Variants in AFF4 observed in about 807,000 individuals in gnomAD.
AFF4 encodes AF4/FMR2 family member 4.
In AFF4, 13 loss-of-function variants were observed where a neutral mutation model predicts 124.8. The observed-to-expected ratio is 0.10, with a 90% confidence interval of 0.07 to 0.17. The LOEUF (loss-of-function observed/expected upper bound fraction) is 0.17, where lower values mean the gene tolerates loss of function less well. AFF4 is among the 10% of genes least tolerant of loss of function. AFF4 has a pLI of 1.00. For synonymous variants in AFF4, 477 were observed against 496.1 expected, an observed-to-expected ratio of 0.96 and a Z score of 0.51; for missense variants, 1,092 against 1,403.8, an observed-to-expected ratio of 0.78 and a Z score of 3.55.
chr5:132,895,671 A>G (rs1342732065), intron 11 of AFF4, among the ~76,000 whole-genome samples: 1 of 152,236 alleles, frequency 6.6e-6, no homozygotes, highest in African/African-American at 2.4e-5. Flanking sequence ...GTCTCTATAT[A>G]TGTAGTGATT....
intron 1 of AFF4, among the ~76,000 whole-genome samples, chr5:132,959,323 T>C (rs1246695814): frequency 6.6e-6 from 1 of 152,096 alleles, no homozygotes; most frequent in Non-Finnish European, 1.5e-5. Context: ...GGTTTCACCA[T>C]ATTGTCCAGG....
chr5:132,889,882 A>G (rs1416467724), intron 13 of AFF4, among the ~76,000 whole-genome samples: 1 of 151,846 alleles, frequency 6.6e-6, no homozygotes, highest in African/African-American at 2.4e-5. Flanking sequence ...TGATCCTCCC[A>G]CCCCAGCCTC....
chr5:132,902,881 T>C (rs73788222), intron 6 of AFF4, among the ~76,000 whole-genome samples: 2,245 of 152,224 alleles, frequency 0.015, 67 homozygotes, highest in African/African-American at 0.052. Context: ...TGGCAAAAAC[T>C]GGAAAAAAAT....
At chr5:132,931,017 G>C (rs1028681770) in intron 4 of AFF4, among the ~76,000 whole-genome samples, 1 of 147,424 alleles carries the variant, frequency 6.8e-6, no homozygotes, top group African/African-American at 2.5e-5. Flanking sequence ...TGAGGCAGAA[G>C]AATCACTTGA....
Position 132,881,067 on chromosome 5 carries a change from T to A in AFF4, c.3484A>T (p.Ile1162Leu), listed in dbSNP as rs1443941113. 3 of 1,613,238 alleles carry A rather than the reference T, an allele frequency of 1.9e-6. No individual in the cohort carries two copies. The African/African-American group carries it at 4.0e-5, about 22-fold the overall frequency. ...LHWLRQDAKL[I>L]S Reference sequence around the variant, plus strand: ...ACGAGAATGTGTTCAGTTCAAGATATCAACTTGGCATCCTGGCGAAGCCAG... The same window carrying A: ...ACGAGAATGTGTTCAGTTCAAGATAACAACTTGGCATCCTGGCGAAGCCAG... Residue 1162 changes from isoleucine (I) to leucine (L), a missense_variant, in exon 21 of 21, where the codon ATA becomes TTA. Ile to Leu is a conservative substitution (Grantham distance 5). Around this residue, in one of 11 missense-constraint regions of AFF4, gnomAD observed 173 missense variants for 294.9 expected, o/e 0.59. Coordinates refer to ENST00000265343, the MANE Select transcript of AFF4 (RefSeq NM_014423.4).
At chr5:132,960,120 C>A (rs1292688891) in intron 1 of AFF4, among the ~76,000 whole-genome samples, 2 of 152,246 alleles carry the variant, frequency 1.3e-5, no homozygotes, top group East Asian at 3.9e-4. Context: ...TAGCTTTAGG[C>A]AGTCTTTAGT....
intron 13 of AFF4, 180 bp downstream of exon 13, chr5:132,891,984 C>T (rs1760269939): frequency 8.4e-6 from 8 of 951,508 alleles, no homozygotes; most frequent in East Asian, 2.6e-5. Context: ...GCTGACTTAC[C>T]ACCTTCACAG....
chr5:132,962,863 G>A lies in AFF4; in HGVS notation c.-5+396C>T, dbSNP rs532229545. Among the ~76,000 whole-genome samples, 7 of 150,982 alleles carry A rather than the reference G, an allele frequency of 4.6e-5. No individual in the cohort carries two copies. In the East Asian group the frequency reaches 1.4e-3, roughly 29 times the overall value. ...GGAGAGGTGCGCAGGATCGCGAGAA[G>A]GAAAGCGAGAACTAGCTGGGTAATG... is the stretch of plus-strand genomic sequence containing the variant. On this transcript the variant is annotated intron_variant, in intron 1 of 20. Coordinates refer to ENST00000265343, the MANE Select transcript of AFF4 (RefSeq NM_014423.4).
rs565722171 is a variant in AFF4 at position 132,949,684 on chromosome 5, C to CCACA, written c.-4-12495_-4-12492dup. Among the ~76,000 whole-genome samples the CCACA allele has an allele frequency of 6.6e-3, 980 of 147,864 alleles. 10 individuals are homozygous for CCACA. The highest frequency in any genetic ancestry group is 0.022 in the African/African-American group (866 of 39,916). On this transcript the variant is annotated intron_variant, in intron 1 of 20. Coordinates refer to ENST00000265343, the MANE Select transcript of AFF4 (RefSeq NM_014423.4). ...CTAACACAGTGAAACCCCATGTGTA[C>CCACA]CACACACACACACACACGCGCGCGC...
chr5:132,905,265 C>A (rs1760646566), intron 5 of AFF4, among the ~76,000 whole-genome samples: 1 of 152,114 alleles, frequency 6.6e-6, no homozygotes, highest in Non-Finnish European at 1.5e-5. Context: ...GAATGTCACC[C>A]TTAGTGAAAC....
intron 1 of AFF4, among the ~76,000 whole-genome samples, chr5:132,949,355 T>C (rs1202768261): frequency 6.6e-6 from 1 of 151,912 alleles, no homozygotes; most frequent in Non-Finnish European, 1.5e-5. Flanking sequence ...CTCTCTGCCA[T>C]CTTTTGGAAT....
intron 1 of AFF4, among the ~76,000 whole-genome samples, chr5:132,960,189 G>A (rs1260395711): frequency 6.6e-6 from 1 of 152,134 alleles, no homozygotes; most frequent in Non-Finnish European, 1.5e-5. Flanking sequence ...AAATCAAATA[G>A]AATTGTTCCA....
intron 2 of AFF4, 57 bp downstream of exon 2, chr5:132,937,010 T>C: frequency 6.4e-7 from 1 of 1,552,884 alleles, no homozygotes; most frequent in South Asian, 1.2e-5. Flanking sequence ...GTGAAACATT[T>C]TAAAAGCAAA....
intron 1 of AFF4, among the ~76,000 whole-genome samples, chr5:132,938,816 G>A (rs377312408): frequency 6.6e-6 from 1 of 151,004 alleles, no homozygotes; most frequent in Non-Finnish European, 1.5e-5. Flanking sequence ...AGTGGCAGGC[G>A]CCTGTAGTCC....
chr5:132,883,582 CT>C (rs1760041692), intron 19 of AFF4, 22 bp from the exon 20 acceptor site: 7 of 1,606,596 alleles, frequency 4.4e-6, no homozygotes, highest in Non-Finnish European at 5.1e-6. Context: ...AAATAGGAAG[CT>C]TGTTCATATG....
chr5:132,946,251 G>C (rs760089857), intron 1 of AFF4, among the ~76,000 whole-genome samples: 1 of 152,166 alleles, frequency 6.6e-6, no homozygotes, highest in Non-Finnish European at 1.5e-5. Context: ...CTATGGATTG[G>C]CAGTTCCTCA....
chr5:132,897,623 T>C (rs529470638), intron 10 of AFF4, among the ~76,000 whole-genome samples: 1 of 151,396 alleles, frequency 6.6e-6, no homozygotes, highest in South Asian at 2.1e-4. Flanking sequence ...GGCAGGAGAA[T>C]CACTTGAACC....
chr5:132,900,476 C>T (rs545846675), intron 7 of AFF4, among the ~76,000 whole-genome samples: 4 of 152,214 alleles, frequency 2.6e-5, no homozygotes, highest in African/African-American at 7.2e-5. Flanking sequence ...AGGAGAATTG[C>T]TTGAACCCGG....
At chr5:132,937,441 T>G (rs914130852) in intron 1 of AFF4, among the ~76,000 whole-genome samples, 1 of 152,180 alleles carries the variant, frequency 6.6e-6, no homozygotes, top group Non-Finnish European at 1.5e-5. Context: ...ACACTTAACC[T>G]TATCAATGTT....
Sources: allele counts gnomAD v4.1 joint callset (sites outside exome capture counted in the v4.1 genomes callset), GRCh38; gene constraint gnomAD v4.1.1; regional missense constraint gnomAD v4.1.1; transcripts MANE v1.5; gene names NCBI Gene and HGNC (gene_info 2026-07-23, HGNC 2026-07-21).